NEGR1: variants seen among roughly 807,000 people sequenced by gnomAD.
NEGR1 encodes IgLON family member 4.
In NEGR1, 10 loss-of-function variants were observed where a neutral mutation model predicts 40.9. The ratio of observed to expected loss-of-function variants is 0.24; its 90% CI spans 0.15 to 0.42. The LOEUF (loss-of-function observed/expected upper bound fraction) is 0.42. NEGR1 is among the 10% of genes least tolerant of loss of function. The pLI, the probability that NEGR1 is intolerant of heterozygous loss-of-function variation, is 1.00. For synonymous variants in NEGR1, 185 were observed against 166.8 expected, an observed-to-expected ratio of 1.11 and a Z score of -0.84; for missense variants, 352 against 438.9, an observed-to-expected ratio of 0.80 and a Z score of 1.77.
chr1:72,147,906 G>A (rs1258418454), intron 1 of NEGR1, among the ~76,000 whole-genome samples: 4 of 152,112 alleles, frequency 2.6e-5, no homozygotes, highest in African/African-American at 9.7e-5. Flanking sequence ...GCAAGAGGTG[G>A]GTTCCCATGG....
At chr1:71,964,551 G>A (rs577465064) in intron 1 of NEGR1, among the ~76,000 whole-genome samples, 3 of 152,142 alleles carry the variant, frequency 2.0e-5, no homozygotes, top group African/African-American at 4.8e-5. Flanking sequence ...TCAGCCATTC[G>A]AGTCACATCC....
At chr1:71,884,014 T>C (rs1487736103) in intron 2 of NEGR1, among the ~76,000 whole-genome samples, 2 of 152,022 alleles carry the variant, frequency 1.3e-5, no homozygotes, top group Non-Finnish European at 2.9e-5. Context: ...TCCTAGATAT[T>C]ATGACTCTTT....
At chr1:71,484,396 A>G (rs1250341694) in intron 6 of NEGR1, among the ~76,000 whole-genome samples, 1 of 151,682 alleles carries the variant, frequency 6.6e-6, no homozygotes, top group Non-Finnish European at 1.5e-5. Context: ...ATATAAAACA[A>G]AGCCTTGAAA....
intron 4 of NEGR1, among the ~76,000 whole-genome samples, chr1:71,663,923 T>C (rs564160195): frequency 6.6e-6 from 1 of 152,294 alleles, no homozygotes; most frequent in South Asian, 2.1e-4. Context: ...GAGAGTTAAT[T>C]ATGGATTCTA....
chr1:72,136,518 CAA>C (rs1331481097), intron 1 of NEGR1, among the ~76,000 whole-genome samples: 1 of 142,024 alleles, frequency 7.0e-6, no homozygotes. Flanking sequence ...AGTGAGAGAA[CAA>C]AAAAAAATGA....
chr1:72,043,960 A>C (rs189275259), intron 1 of NEGR1, among the ~76,000 whole-genome samples: 3 of 151,994 alleles, frequency 2.0e-5, no homozygotes, highest in Non-Finnish European at 4.4e-5. Context: ...AGAAAACATA[A>C]AATGGAAATA....
chr1:71,559,044 T>TATATATATAC (rs1488767009), intron 6 of NEGR1, among the ~76,000 whole-genome samples: 19 of 62,254 alleles, frequency 3.1e-4, no homozygotes, highest in African/African-American at 9.9e-4. Context: ...TATATATATA[T>TATATATATAC]ACACATATAT....
At chr1:71,690,455 T>C (rs975793530) in intron 4 of NEGR1, among the ~76,000 whole-genome samples, 2 of 151,850 alleles carry the variant, frequency 1.3e-5, no homozygotes, top group Admixed American at 1.3e-4. Flanking sequence ...GAAGAGTATA[T>C]TTAGCAAAAG....
intron 2 of NEGR1, among the ~76,000 whole-genome samples, chr1:71,872,289 G>T (rs971727307): frequency 6.6e-6 from 1 of 152,136 alleles, no homozygotes; most frequent in African/African-American, 2.4e-5. Flanking sequence ...ACATTTTGCT[G>T]AACTAACTTC....
intron 2 of NEGR1, among the ~76,000 whole-genome samples, chr1:71,860,819 T>C (rs1476217924): frequency 6.6e-6 from 1 of 152,024 alleles, no homozygotes; most frequent in Non-Finnish European, 1.5e-5. Flanking sequence ...ATAAGCAATT[T>C]CCCAAGTCAT....
At chr1:71,810,106 G>A (rs1032821589) in intron 2 of NEGR1, among the ~76,000 whole-genome samples, 3 of 151,968 alleles carry the variant, frequency 2.0e-5, no homozygotes, top group African/African-American at 4.8e-5. Flanking sequence ...AGCAATCTTC[G>A]GTGCACAATC....
At chr1:72,231,163 G>A (rs1001379751) in intron 1 of NEGR1, among the ~76,000 whole-genome samples, 7 of 152,134 alleles carry the variant, frequency 4.6e-5, no homozygotes, top group African/African-American at 1.7e-4. Context: ...ACTTTTACTC[G>A]TTTCACATCA....
intron 1 of NEGR1, among the ~76,000 whole-genome samples, chr1:72,001,007 C>T (rs1437564577): frequency 6.6e-6 from 1 of 151,960 alleles, no homozygotes; most frequent in Non-Finnish European, 1.5e-5. Flanking sequence ...CAGACATGTC[C>T]ACAATGGAAA....
intron 2 of NEGR1, among the ~76,000 whole-genome samples, chr1:71,875,235 G>A (rs1315092040): frequency 6.6e-6 from 1 of 152,108 alleles, no homozygotes; most frequent in Non-Finnish European, 1.5e-5. Context: ...TGCCAATCTT[G>A]TACATACAAT....
chr1:71,996,716 A>C (rs1295607692), intron 1 of NEGR1, among the ~76,000 whole-genome samples: 4 of 152,106 alleles, frequency 2.6e-5, no homozygotes, highest in African/African-American at 9.7e-5. Context: ...TCAAAGTTTC[A>C]GGCATTATAA....
intron 6 of NEGR1, among the ~76,000 whole-genome samples, chr1:71,462,844 G>A (rs1387097895): frequency 1.3e-5 from 2 of 152,148 alleles, no homozygotes; most frequent in Non-Finnish European, 2.9e-5. Context: ...AGAAAGATAT[G>A]TTATGGATGT....
At chr1:72,026,420 A>G (rs910557974) in intron 1 of NEGR1, among the ~76,000 whole-genome samples, 3 of 151,884 alleles carry the variant, frequency 2.0e-5, no homozygotes, top group Admixed American at 1.3e-4. Flanking sequence ...ACACCTCACA[A>G]AAGAGTTAAA....
At chr1:71,650,485 A>G (rs572990713) in intron 4 of NEGR1, among the ~76,000 whole-genome samples, 9 of 152,350 alleles carry the variant, frequency 5.9e-5, no homozygotes, top group Admixed American at 5.2e-4. Flanking sequence ...CTGTGAAGAT[A>G]TAAATGCAAA....
chr1:71,544,316 A>G (rs528891516), intron 6 of NEGR1, among the ~76,000 whole-genome samples: 9 of 151,800 alleles, frequency 5.9e-5, no homozygotes, highest in African/African-American at 2.2e-4. Flanking sequence ...GAGGCTGCAA[A>G]CCTTGGGTTT....
Sources: allele counts gnomAD v4.1 joint callset (sites outside exome capture counted in the v4.1 genomes callset), GRCh38; gene constraint gnomAD v4.1.1; transcripts MANE v1.5; gene names NCBI Gene and HGNC (gene_info 2026-07-23, HGNC 2026-07-21).